SCN2A: variants seen among roughly 807,000 people sequenced by gnomAD.
SCN2A encodes the protein sodium channel protein type 2 subunit alpha.
SCN2A carries 20 observed loss-of-function variants against 188.7 expected under a neutral mutation model. The ratio of observed to expected loss-of-function variants is 0.11; its 90% CI spans 0.07 to 0.15. SCN2A has a LOEUF of 0.15. Among genes scored for constraint, SCN2A ranks in the 10% least tolerant of loss-of-function variants. The pLI, the probability that SCN2A is intolerant of heterozygous loss-of-function variation, is 1.00. For missense variants in SCN2A, 1,278 were observed against 2,445.0 expected (o/e 0.52, Z 10.07); for synonymous variants, 804 against 833.1 (o/e 0.97, Z 0.60).
intron 1 of SCN2A, among the ~76,000 whole-genome samples, chr2:165,294,962 G>A (rs1696426868): frequency 6.6e-6 from 1 of 152,192 alleles, no homozygotes; most frequent in Admixed American, 6.5e-5. Context: ...GGCATAATTT[G>A]AGGAAATTGG....
At chr2:165,329,102 T>C (rs1034414252) in intron 13 of SCN2A, among the ~76,000 whole-genome samples, 1 of 151,606 alleles carries the variant, frequency 6.6e-6, no homozygotes, top group Non-Finnish European at 1.5e-5. Flanking sequence ...TTATTTCACC[T>C]TTCCTTTTTA....
rs1702076251 is a variant in SCN2A, at chr2:165,390,239, C to T, written c.*415C>T. ...TACAAAACGTGTGCTGTGAATTTAT[C>T]ACTTTTCTTTTTAATTCACAGGTTG... On this transcript the variant is annotated 3_prime_UTR_variant, in exon 27 of 27. Transcript: ENST00000375437. 1 of 195,762 alleles carries T rather than the reference C, an allele frequency of 5.1e-6. No homozygotes were observed. The highest frequency in any genetic ancestry group is 5.3e-5 in the Admixed American group (1 of 18,742). The allele number at this position is 195,762 out of a possible 1,614,324, so 12.1% of individuals were successfully genotyped here. A position where few individuals can be genotyped will look rare whatever the true frequency, so the allele number is the denominator to read the frequency against.
At chr2:165,351,705 C>T (rs1225278346) in intron 16 of SCN2A, among the ~76,000 whole-genome samples, 1 of 151,970 alleles carries the variant, frequency 6.6e-6, no homozygotes, top group Non-Finnish European at 1.5e-5. Context: ...ATCACATAAA[C>T]CTTGAAAATG....
chr2:165,333,065 G>T (rs7423757), intron 14 of SCN2A, among the ~76,000 whole-genome samples: 1 of 151,948 alleles, frequency 6.6e-6, no homozygotes, highest in East Asian at 1.9e-4. Flanking sequence ...CATTGACCTG[G>T]TTGGAGTTAC....
chr2:165,353,222 T>C (rs1700017334), intron 16 of SCN2A, among the ~76,000 whole-genome samples: 1 of 152,148 alleles, frequency 6.6e-6, no homozygotes, highest in Non-Finnish European at 1.5e-5. Flanking sequence ...ATAATTATTG[T>C]ATAATAACCA....
chr2:165,280,783 T>C (rs952539692), intron 1 of SCN2A, among the ~76,000 whole-genome samples: 23 of 152,182 alleles, frequency 1.5e-4, no homozygotes, highest in Admixed American at 5.2e-4. Flanking sequence ...CCTTTCCTGA[T>C]TGATCCTAGG....
intron 17 of SCN2A, 89 bp from the exon 18 acceptor site, chr2:165,365,050 TACAG>T: frequency 8.8e-7 from 1 of 1,142,658 alleles, no homozygotes; most frequent in Non-Finnish European, 1.2e-6. Flanking sequence ...AGAAAATGCA[TACAG>T]AAGATGGGGG....
At chr2:165,252,884 G>A (rs1410449860) in intron 1 of SCN2A, among the ~76,000 whole-genome samples, 1 of 152,032 alleles carries the variant, frequency 6.6e-6, no homozygotes, top group East Asian at 1.9e-4. Flanking sequence ...GCTTCATCTT[G>A]AAAGTAAGTC....
intron 19 of SCN2A, among the ~76,000 whole-genome samples, chr2:165,367,981 C>T (rs962607414): frequency 2.0e-5 from 3 of 152,156 alleles, no homozygotes; most frequent in African/African-American, 7.2e-5. Flanking sequence ...TAAATGTTAA[C>T]AGTTCAGTGG....
At position 165,292,614 on chromosome 2, in the gene SCN2A, T is replaced by G. The variant is rs575322228; in HGVS notation, c.-51-3159T>G. On this transcript the variant is annotated intron_variant, in intron 1 of 26. Transcript: ENST00000375437. ...CTGTTTTTGCCCAACAAATACATTT[T>G]CCAATGAAAATGATGAAGCCAGAAA... Among the ~76,000 whole-genome samples, 88 of 152,322 alleles carry G rather than the reference T, an allele frequency of 5.8e-4. 1 individual carries two copies. The highest frequency in any genetic ancestry group is 1.4e-3 in the African/African-American group (58 of 41,584).
At chr2:165,384,003 G>T (rs1444953890) in intron 25 of SCN2A, among the ~76,000 whole-genome samples, 1 of 152,022 alleles carries the variant, frequency 6.6e-6, no homozygotes, top group Non-Finnish European at 1.5e-5. Context: ...GAAAGCAAAA[G>T]GAATTTTAGA....
At chr2:165,339,124 G>A (rs1699171094) in intron 14 of SCN2A, among the ~76,000 whole-genome samples, 1 of 152,018 alleles carries the variant, frequency 6.6e-6, no homozygotes. Flanking sequence ...GGGAGGCTGA[G>A]GCAGGAGAAT....
At chr2:165,291,474 CTTTCTTTCTTTCTTTCTTTT>C (rs1230292246) in intron 1 of SCN2A, among the ~76,000 whole-genome samples, 5 of 37,726 alleles carry the variant, frequency 1.3e-4, no homozygotes, top group Non-Finnish European at 2.6e-4. Flanking sequence ...TTCTTTCTTT[CTTTCTTTCTTTCTTTCTTTT>C]CTTTCTTTCT....
chr2:165,323,474 A>G lies in SCN2A; in HGVS notation c.1990A>G (p.Thr664Ala). The G allele has an allele frequency of 6.2e-7, 1 of 1,613,560 alleles. No individual in the cohort carries two copies. The highest frequency in any genetic ancestry group is 8.5e-7 in the Non-Finnish European group (1 of 1,179,788). ...VSLVGGPSTL[T>A]SAGQLLPEGT... ...CCTGGTCGGGGGCCCTTCTACCCTC[A>G]CATCTGCTGGGCAGCTCCTACCAGA... Residue 664 changes from threonine to alanine, a missense_variant, in exon 12 of 27, where the codon ACA (threonine) becomes GCA (alanine). Transcript: ENST00000375437.
chr2:165,385,716 G>T (rs1701834320), intron 25 of SCN2A, among the ~76,000 whole-genome samples: 1 of 152,120 alleles, frequency 6.6e-6, no homozygotes, highest in African/African-American at 2.4e-5. Context: ...CTAGAATGAT[G>T]ATTTTTAAAA....
At position 165,323,443 on chromosome 2, in the gene SCN2A, G is replaced by A. The variant is rs200546427; in HGVS notation, c.1959G>A (p.Val653=). Residue 653 remains valine (V), a synonymous_variant, in exon 12 of 27, where the codon GTG becomes GTA. Transcript: ENST00000375437. ...ATAGCGCTGTGGACTGCAATGGTGT[G>A]GTCTCCCTGGTCGGGGGCCCTTCTA... ...KMHSAVDCNG[V]VSLVGGPSTL... The A allele has an allele frequency of 1.7e-3, 2,694 of 1,613,820 alleles. 73 individuals carry two copies. The South Asian group carries it at 0.028, about 17-fold the overall frequency.
intron 1 of SCN2A, among the ~76,000 whole-genome samples, chr2:165,264,953 T>C (rs1189058312): frequency 6.6e-6 from 1 of 152,112 alleles, no homozygotes; most frequent in Non-Finnish European, 1.5e-5. Context: ...GTCTTTATAA[T>C]AGCGTGATTT....
At chr2:165,306,436 C>G (rs1697134635) in intron 3 of SCN2A, among the ~76,000 whole-genome samples, 1 of 151,180 alleles carries the variant, frequency 6.6e-6, no homozygotes, top group African/African-American at 2.4e-5. Context: ...GCAAGTCATT[C>G]TTTATTTAAT....
At chr2:165,275,555 G>T (rs1482346172) in intron 1 of SCN2A, among the ~76,000 whole-genome samples, 4 of 152,116 alleles carry the variant, frequency 2.6e-5, no homozygotes, top group Admixed American at 2.6e-4. Flanking sequence ...GCCCTTAGTA[G>T]ACATTTCAAA....
Sources: allele counts gnomAD v4.1 joint callset (sites outside exome capture counted in the v4.1 genomes callset), GRCh38; gene constraint gnomAD v4.1.1; transcripts MANE v1.5; gene names NCBI Gene and HGNC (gene_info 2026-07-23, HGNC 2026-07-21).